The following MCC variants were observed in gnomAD, a reference collection of about 807,000 sequenced individuals.
The protein encoded by MCC is colorectal mutant cancer protein.
Under a neutral mutation model 116.2 loss-of-function variants are expected in MCC, and 90 were observed. The ratio of observed to expected loss-of-function variants is 0.77; its 90% CI spans 0.65 to 0.92. MCC has a LOEUF of 0.92. MCC is among the 40% of genes least tolerant of loss of function. MCC has a pLI of 0.00. For missense variants in MCC, 1,516 were observed against 1,312.2 expected (o/e 1.16, Z -2.40); for synonymous variants, 578 against 510.5 (o/e 1.13, Z -1.78).
chr5:113,094,521 A>T (rs1383187705), intron 8 of MCC, among the ~76,000 whole-genome samples: 3 of 151,456 alleles, frequency 2.0e-5, no homozygotes, highest in Admixed American at 2.0e-4. Flanking sequence ...CCCGGGTTCA[A>T]GCGATTTTCC....
chr5:113,418,559 G>A (rs1770221946), intron 1 of MCC, among the ~76,000 whole-genome samples: 1 of 151,990 alleles, frequency 6.6e-6, no homozygotes, highest in African/African-American at 2.4e-5. Context: ...TTGGGCAAGT[G>A]AAAAAGGGAT....
chr5:113,210,186 C>T (rs1486174285), intron 3 of MCC, among the ~76,000 whole-genome samples: 1 of 151,014 alleles, frequency 6.6e-6, no homozygotes, highest in Non-Finnish European at 1.5e-5. Flanking sequence ...AAGCTTTAAA[C>T]CCTCAACAGT....
intron 3 of MCC, among the ~76,000 whole-genome samples, chr5:113,205,283 C>T (rs1196643346): frequency 1.3e-5 from 2 of 152,284 alleles, no homozygotes; most frequent in South Asian, 4.1e-4. Flanking sequence ...CAGTTAAAGG[C>T]CTAGAGGCAA....
At chr5:113,070,824 A>G (rs1753985469) in intron 12 of MCC, among the ~76,000 whole-genome samples, 1 of 152,250 alleles carries the variant, frequency 6.6e-6, no homozygotes, top group African/African-American at 2.4e-5. Flanking sequence ...GCAAGAAGAA[A>G]TGAACATGTA....
At position 113,434,394 on chromosome 5, in the gene MCC, T is replaced by C. The variant is rs1770780097; in HGVS notation, c.171-49182A>G. ...GAAGCTGAAGTCGGACAGCTTGATG[T>C]TGAAGTCCTTGTCAAGGAGAAGGTT... On this transcript the variant is annotated intron_variant, in intron 1 of 18. Transcript: ENST00000408903. This position sits in a 1 kb window ranked among gnomAD's most constrained non-coding sequence, Gnocchi z 4.2. The C allele has an allele frequency of 1.2e-6, 2 of 1,613,732 alleles. No homozygotes were observed. Among genetic ancestry groups the C allele is most frequent in the African/African-American group, 2.7e-5 (2 of 74,824 alleles).
At chr5:113,097,478 A>G (rs1478331095) in intron 8 of MCC, among the ~76,000 whole-genome samples, 1 of 152,172 alleles carries the variant, frequency 6.6e-6, no homozygotes, top group Non-Finnish European at 1.5e-5. Flanking sequence ...TATTTTCAAT[A>G]TTTTTATATA....
chr5:113,184,479 GTTTTTTTT>G (rs11303638), intron 3 of MCC, among the ~76,000 whole-genome samples: 2 of 115,144 alleles, frequency 1.7e-5, no homozygotes, highest in Admixed American at 1.0e-4. Flanking sequence ...TTCGTTTTTT[GTTTTTTTT>G]TTTTTTTTTT....
intron 5 of MCC, among the ~76,000 whole-genome samples, chr5:113,132,190 A>G (rs951867810): frequency 3.3e-5 from 5 of 151,702 alleles, no homozygotes; most frequent in African/African-American, 1.2e-4. Context: ...TTAAAATTTT[A>G]AACATTATTC....
intron 1 of MCC, among the ~76,000 whole-genome samples, chr5:113,394,698 T>C (rs1308445362): frequency 6.6e-6 from 1 of 152,216 alleles, no homozygotes; most frequent in Non-Finnish European, 1.5e-5. Flanking sequence ...ATCTTCTGTA[T>C]CTCACATAAC....
chr5:113,216,929 G>A (rs1763343115), intron 3 of MCC, among the ~76,000 whole-genome samples: 1 of 152,194 alleles, frequency 6.6e-6, no homozygotes, highest in Non-Finnish European at 1.5e-5. Flanking sequence ...CCAATAATAT[G>A]TGTAAAATGC....
chr5:113,220,493 AT>A (rs1323789942), intron 3 of MCC, among the ~76,000 whole-genome samples: 1 of 152,132 alleles, frequency 6.6e-6, no homozygotes. Flanking sequence ...TATTTAGATC[AT>A]TTCTTTTATT....
intron 3 of MCC, among the ~76,000 whole-genome samples, chr5:113,169,091 G>A (rs953827970): frequency 5.9e-5 from 9 of 151,994 alleles, no homozygotes; most frequent in African/African-American, 1.9e-4. Context: ...AACTCCCACC[G>A]TCCCAGACTC....
intron 1 of MCC, among the ~76,000 whole-genome samples, chr5:113,457,676 C>G (rs1369792668): frequency 6.6e-6 from 1 of 151,004 alleles, no homozygotes; most frequent in Non-Finnish European, 1.5e-5. Context: ...AATCGGCACT[C>G]TGTATCTAGC....
At chr5:113,038,710 C>T (rs776807589) in intron 17 of MCC, among the ~76,000 whole-genome samples, 2 of 151,874 alleles carry the variant, frequency 1.3e-5, no homozygotes, top group Non-Finnish European at 2.9e-5. Context: ...ACTGACCAGA[C>T]AAGGCCCTCC....
At chr5:113,296,586 G>A (rs1235821936) in intron 3 of MCC, among the ~76,000 whole-genome samples, 2 of 152,268 alleles carry the variant, frequency 1.3e-5, no homozygotes, top group East Asian at 3.9e-4. Context: ...GTGCAGAGCG[G>A]GCATGGGGAT....
At chr5:113,325,291 C>T (rs1316943599) in intron 3 of MCC, among the ~76,000 whole-genome samples, 2 of 152,154 alleles carry the variant, frequency 1.3e-5, no homozygotes, top group African/African-American at 4.8e-5. Flanking sequence ...ATAGGGGCAG[C>T]GCTTGAAAAG....
chr5:113,423,818 G>A (rs921733746), intron 1 of MCC, among the ~76,000 whole-genome samples: 6 of 152,152 alleles, frequency 3.9e-5, no homozygotes, highest in Admixed American at 6.5e-5. Context: ...TATAGTGGCT[G>A]ATCCCCACTT....
At chr5:113,442,421 G>GC (rs1272764542) in intron 1 of MCC, among the ~76,000 whole-genome samples, 4 of 151,894 alleles carry the variant, frequency 2.6e-5, no homozygotes, top group African/African-American at 9.7e-5. Flanking sequence ...TAGATAGATT[G>GC]CAAAAACTTT....
chr5:113,143,808 C>T (rs1759334350), intron 4 of MCC, among the ~76,000 whole-genome samples: 1 of 152,202 alleles, frequency 6.6e-6, no homozygotes, highest in African/African-American at 2.4e-5. Context: ...CTACAGCTCC[C>T]TTCCCAAGTT....
Sources: allele counts gnomAD v4.1 joint callset (sites outside exome capture counted in the v4.1 genomes callset), GRCh38; gene constraint gnomAD v4.1.1; non-coding constraint Gnocchi (gnomAD v3.1); transcripts MANE v1.5; gene names NCBI Gene and HGNC (gene_info 2026-07-23, HGNC 2026-07-21).